Variants in ARMCX4 observed in about 807,000 individuals in gnomAD.
The protein encoded by ARMCX4 is armadillo repeat containing X-linked 4.
A neutral mutation model predicts 34.7 loss-of-function variants in ARMCX4; 3 were observed. The ratio of observed to expected loss-of-function variants is 0.09; its 90% CI spans 0.04 to 0.22. The LOEUF is 0.22. Ranked by LOEUF, ARMCX4 falls within the 10% of genes least tolerant of loss-of-function variation. The probability of loss-of-function intolerance (pLI) is 1.00; values close to 1 mark genes in which losing one functional copy is unlikely to be tolerated. For missense variants in ARMCX4, 1,448 were observed against 1,720.8 expected (o/e 0.84, Z 2.81); for synonymous variants, 513 against 632.8 (o/e 0.81, Z 2.84).
At chrX:101,425,563 T>C (rs1448391865) in intron 2 of ARMCX4, among the ~76,000 whole-genome samples, 2 of 109,753 alleles carry the variant, frequency 1.8e-5, no homozygotes, top group East Asian at 5.8e-4. Flanking sequence ...CCGACTAATT[T>C]TTTGTATTTT....
intron 11 of ARMCX4, among the ~76,000 whole-genome samples, chrX:101,512,825 T>C (rs781825077): frequency 7.9e-5 from 7 of 88,298 alleles, no homozygotes; most frequent in East Asian, 6.5e-4. Flanking sequence ...CACATATATA[T>C]ACACATATAT....
chrX:101,445,402 C>T, intron 3 of ARMCX4, among the ~76,000 whole-genome samples: 1 of 111,622 alleles, frequency 9.0e-6, no homozygotes, highest in Non-Finnish European at 1.9e-5. Context: ...TTCCACAATG[C>T]TTTAGCATGC....
chrX:101,504,483 C>G (rs112125349), intron 7 of ARMCX4, among the ~76,000 whole-genome samples: 2,725 of 109,976 alleles, frequency 0.025, 38 homozygotes, highest in South Asian at 0.051. Flanking sequence ...GATTCTAGAC[C>G]CCAGACCCTT....
intron 10 of ARMCX4, among the ~76,000 whole-genome samples, chrX:101,509,920 G>T (rs1556015992): frequency 8.9e-6 from 1 of 111,890 alleles, no homozygotes; most frequent in Non-Finnish European, 1.9e-5. Context: ...CTGTTGAGAA[G>T]TCAGATGTTA....
At chrX:101,476,266 A>T (rs1416837659) in intron 4 of ARMCX4, among the ~76,000 whole-genome samples, 1 of 109,133 alleles carries the variant, frequency 9.2e-6, no homozygotes. Context: ...TCAGTTCCCA[A>T]GGAGCTTACA....
rs927554287 is a variant in ARMCX4 at position 101,487,718 on chromosome X, G to A, written c.-203+27G>A. ...TAAGAGTGTGGGGACTGCCTGGGTAGACCTCTAGAGTGGGTTGGTGGAGAC... is the reference window on the plus strand; with the variant it reads ...TAAGAGTGTGGGGACTGCCTGGGTAAACCTCTAGAGTGGGTTGGTGGAGAC... On this transcript the variant is annotated intron_variant, in intron 4 of 5. Transcript: ENST00000423738. 3.6e-6 allele frequency: 3 copies of A among 844,361 alleles called. No individual in the cohort carries two copies. The East Asian group carries it at 2.4e-4, about 67-fold the overall frequency. 69.6% of individuals were successfully genotyped at this position (844,361 alleles called of 1,213,427 possible).
chrX:101,506,935 C>T (rs928159106), intron 8 of ARMCX4, among the ~76,000 whole-genome samples: 13 of 111,509 alleles, frequency 1.2e-4, no homozygotes, highest in African/African-American at 4.2e-4. Context: ...AGATTACTTA[C>T]AATTCTCTTA....
chrX:101,527,959 G>A (rs1013904910), intron 11 of ARMCX4, among the ~76,000 whole-genome samples: 36 of 111,936 alleles, frequency 3.2e-4, no homozygotes, highest in African/African-American at 1.1e-3. Context: ...GAAAAAGAGG[G>A]AATCTTCCCT....
chrX:101,478,598 A>C (rs1230090495), intron 4 of ARMCX4, among the ~76,000 whole-genome samples: 1 of 111,847 alleles, frequency 8.9e-6, no homozygotes, highest in Non-Finnish European at 1.9e-5. Context: ...TCCATTCCTC[A>C]GAAGCCATAT....
At chrX:101,520,596 A>G (rs1046279205) in intron 11 of ARMCX4, among the ~76,000 whole-genome samples, 5 of 111,989 alleles carry the variant, frequency 4.5e-5, no homozygotes, top group Non-Finnish European at 3.8e-5. Context: ...ACCTGACTTT[A>G]CATTCCTGGG....
intron 1 of ARMCX4, chrX:101,418,501 C>G (rs1423297876): frequency 1.8e-5 from 2 of 112,878 alleles, no homozygotes; most frequent in Non-Finnish European, 3.8e-5. Flanking sequence ...CCTTCGGGCT[C>G]TTTTCGGTCC....
intron 2 of ARMCX4, among the ~76,000 whole-genome samples, chrX:101,438,147 G>A (rs1266216891): frequency 1.1e-4 from 12 of 111,884 alleles, no homozygotes; most frequent in African/African-American, 3.6e-4. Context: ...TGTTGATTTG[G>A]GGTGGAGGGT....
chrX:101,531,762 C>G (rs1415429891), exon 12 of ARMCX4: 9 of 111,758 alleles, frequency 8.1e-5, no homozygotes, highest in Non-Finnish European at 1.7e-4. Context: ...AGATGATGAG[C>G]CTTTATAAGA....
At chrX:101,530,190 T>C (rs1442051491) in intron 11 of ARMCX4, among the ~76,000 whole-genome samples, 1 of 111,690 alleles carries the variant, frequency 9.0e-6, no homozygotes, top group Non-Finnish European at 1.9e-5. Context: ...TGTAGAGACA[T>C]GGATGAAGCT....
intron 2 of ARMCX4, among the ~76,000 whole-genome samples, chrX:101,430,973 G>A (rs1394282744): frequency 1.8e-5 from 2 of 111,139 alleles, no homozygotes; most frequent in African/African-American, 6.5e-5. Context: ...ATCCTGGGAA[G>A]TTCATTAACT....
In ARMCX4 at chrX:101,491,730, G is replaced by A; in HGVS notation, c.3141G>A (p.Lys1047=). Residue 1047 remains lysine (K), a synonymous_variant, in exon 6 of 6, where the codon AAG becomes AAA. Transcript: ENST00000423738. ...AGACCTTGCCTGGGGCAAGGGACAA[G>A]TCTATGTCCACTTCTGAGGCAGAAG... ...QGETLPGARD[K]SMSTSEAEAT... 1.7e-6 allele frequency: 2 copies of A among 1,156,264 alleles called. No individual in the cohort carries two copies. Among genetic ancestry groups the A allele is most frequent in the Non-Finnish European group, 2.3e-6 (2 of 872,644 alleles).
rs782243416 is a variant in ARMCX4, at chrX:101,516,308, G to A, written c.*1780+5253G>A. On this transcript the variant is annotated intron_variant and NMD_transcript_variant, in intron 11 of 12. Coordinates refer to the ARMCX4 transcript ENST00000354842. ...TCTAATTAATAACTTTATAAACAGC[G>A]GATTTCTAAAAAGTGGGCCCCTCTT... Among the ~76,000 whole-genome samples the A allele has an allele frequency of 6.3e-5, 7 of 110,813 alleles. 1 individual carries two copies. Among genetic ancestry groups the A allele is most frequent in the Admixed American group, 4.8e-4 (5 of 10,387 alleles).
intron 11 of ARMCX4, among the ~76,000 whole-genome samples, chrX:101,524,943 A>G (rs782455539): frequency 8.1e-5 from 9 of 111,792 alleles, no homozygotes; most frequent in Non-Finnish European, 1.7e-4. Context: ...GAAGTGTGCC[A>G]TGGTTCTCCC....
At chrX:101,445,598 G>A (rs941710974) in intron 3 of ARMCX4, among the ~76,000 whole-genome samples, 4 of 112,011 alleles carry the variant, frequency 3.6e-5, no homozygotes, top group African/African-American at 1.3e-4. Context: ...GAAGGGTGGA[G>A]GAATAAAGTT....
Sources: gnomAD v4.1 joint callset for allele counts (sites outside exome capture counted in the v4.1 genomes callset) on GRCh38, gnomAD v4.1.1 for gene constraint, MANE v1.5 for transcripts, NCBI Gene and HGNC (gene_info 2026-07-23, HGNC 2026-07-21) for gene names.